The following EPHA7 variants were observed in gnomAD, a reference collection of about 807,000 sequenced individuals.
EPHA7 encodes the protein EPH receptor A7.
EPHA7 carries 25 observed loss-of-function variants against 112.6 expected under a neutral mutation model. That is an observed-to-expected ratio of 0.22 (90% confidence interval 0.16 to 0.31). The LOEUF (loss-of-function observed/expected upper bound fraction) is 0.31, where lower values mean the gene tolerates loss of function less well. EPHA7 is among the 10% of genes least tolerant of loss of function. The pLI is 1.00. For synonymous variants in EPHA7, 437 were observed against 406.5 expected (o/e 1.07, Z -0.90); for missense variants, 962 against 1,212.6 (o/e 0.79, Z 3.07).
At chr6:93,247,371 T>C (rs917985469) in intron 14 of EPHA7, among the ~76,000 whole-genome samples, 1 of 152,188 alleles carries the variant, frequency 6.6e-6, no homozygotes, top group Non-Finnish European at 1.5e-5. Flanking sequence ...TAAAAGGAAT[T>C]TGAGTTACCC....
At chr6:93,381,011 C>A (rs1562140816) in intron 3 of EPHA7, among the ~76,000 whole-genome samples, 4 of 152,248 alleles carry the variant, frequency 2.6e-5, no homozygotes, top group South Asian at 4.1e-4. Flanking sequence ...TCACTTGTTT[C>A]AGCTGCCATT....
intron 15 of EPHA7, 56 bp from the exon 16 acceptor site, chr6:93,245,509 T>A (rs1769906092): frequency 1.3e-6 from 2 of 1,557,648 alleles, no homozygotes; most frequent in Non-Finnish European, 1.7e-6. Context: ...AAAGAAAGAA[T>A]GTTTTGGCCC....
At chr6:93,342,131 C>G (rs1775168838) in intron 5 of EPHA7, among the ~76,000 whole-genome samples, 1 of 151,770 alleles carries the variant, frequency 6.6e-6, no homozygotes, top group Non-Finnish European at 1.5e-5. Context: ...AGTGCACCTT[C>G]CATGAAAATT....
At chr6:93,360,195 G>GTTTCTA (rs1776189381) in intron 3 of EPHA7, among the ~76,000 whole-genome samples, 1 of 151,886 alleles carries the variant, frequency 6.6e-6, no homozygotes, top group East Asian at 1.9e-4. Context: ...CTAAATATAT[G>GTTTCTA]ATCTTGTCAC....
chr6:93,402,029 T>C (rs1778458545), intron 3 of EPHA7, among the ~76,000 whole-genome samples: 1 of 151,968 alleles, frequency 6.6e-6, no homozygotes, highest in Admixed American at 6.6e-5. Context: ...CAGAAACCGA[T>C]GCCAATTTAA....
intron 3 of EPHA7, among the ~76,000 whole-genome samples, chr6:93,360,005 A>G (rs927393296): frequency 2.0e-5 from 3 of 152,112 alleles, no homozygotes; most frequent in African/African-American, 4.8e-5. Context: ...CCAGTTGGCT[A>G]TGTTGTCTTT....
At chr6:93,272,203 A>G (rs1582424755) in intron 6 of EPHA7, 95 bp downstream of exon 6, 2 of 1,424,796 alleles carry the variant, frequency 1.4e-6, no homozygotes, top group East Asian at 2.3e-5. Context: ...AGTAGCTCCA[A>G]ATTGTTGGCA....
At chr6:93,389,451 T>C (rs1156543806) in intron 3 of EPHA7, among the ~76,000 whole-genome samples, 1 of 152,046 alleles carries the variant, frequency 6.6e-6, no homozygotes, top group East Asian at 1.9e-4. Flanking sequence ...CCTCTGTCTA[T>C]TCGTCTGGAA....
In EPHA7 at chr6:93,356,943, T is replaced by A. The variant is rs763391728; in HGVS notation, c.1098A>T (p.Arg366Ser). The A allele has an allele frequency of 5.0e-6, 8 of 1,614,162 alleles. No individual in the cohort carries two copies. Among genetic ancestry groups the A allele is most frequent in the Non-Finnish European group, 1.7e-6 (2 of 1,180,030 alleles). ...CCCAACTGCACCGCTTACACAATATTCTGTAGGTCACATCGTTTCTTCCCC... is the reference window on the plus strand; with the variant it reads ...CCCAACTGCACCGCTTACACAATATACTGTAGGTCACATCGTTTCTTCCCC... Reference protein sequence around the residue: ...DNGGRNDVTYRILCKRCSWEQ... With the variant: ...DNGGRNDVTYSILCKRCSWEQ... Residue 366 changes from arginine (R) to serine (S), a missense_variant, in exon 5 of 17, where the codon AGA becomes AGT. Arg to Ser is a moderately radical substitution (Grantham distance 110, BLOSUM62 -1). Coordinates refer to ENST00000369303, the MANE Select transcript of EPHA7 (RefSeq NM_004440.4).
chr6:93,347,789 A>G (rs1775474785), intron 5 of EPHA7, among the ~76,000 whole-genome samples: 1 of 151,800 alleles, frequency 6.6e-6, no homozygotes, highest in Admixed American at 6.6e-5. Flanking sequence ...AGGAAAGTAT[A>G]CAGTTACATT....
intron 14 of EPHA7, among the ~76,000 whole-genome samples, chr6:93,250,273 T>A (rs1414233534): frequency 6.6e-6 from 1 of 152,146 alleles, no homozygotes; most frequent in African/African-American, 2.4e-5. Flanking sequence ...AGGCAAAAAC[T>A]GAACTTTGAG....
At chr6:93,307,020 C>T (rs1773294679) in intron 5 of EPHA7, among the ~76,000 whole-genome samples, 1 of 151,778 alleles carries the variant, frequency 6.6e-6, no homozygotes. Context: ...TAATATAATA[C>T]TATTGCATAA....
intron 3 of EPHA7, among the ~76,000 whole-genome samples, chr6:93,395,354 T>C (rs1195709104): frequency 2.0e-5 from 3 of 151,816 alleles, no homozygotes; most frequent in South Asian, 2.1e-4. Context: ...CTTTTATTAG[T>C]AGAAACTGAA....
intron 3 of EPHA7, among the ~76,000 whole-genome samples, chr6:93,360,964 T>A (rs1776232592): frequency 6.6e-6 from 1 of 152,080 alleles, no homozygotes; most frequent in African/African-American, 2.4e-5. Flanking sequence ...AAACTTAATT[T>A]TCAATGGATC....
chr6:93,252,516 C>G (rs1582392507), intron 14 of EPHA7, among the ~76,000 whole-genome samples: 1 of 151,900 alleles, frequency 6.6e-6, no homozygotes, highest in Non-Finnish European at 1.5e-5. Flanking sequence ...CTAAGTCTCT[C>G]CATGAACTCC....
chr6:93,341,340 A>C (rs998237347), intron 5 of EPHA7, among the ~76,000 whole-genome samples: 2 of 151,932 alleles, frequency 1.3e-5, no homozygotes, highest in Middle Eastern at 3.4e-3. Flanking sequence ...CAAGATCATA[A>C]AATAAGACTA....
At position 93,243,313 on chromosome 6, in the gene EPHA7, T is replaced by C. The variant is rs1769764328; in HGVS notation, c.*113A>G. On this transcript the variant is annotated 3_prime_UTR_variant, in exon 17 of 17. Transcript: ENST00000369303. ...GGTGCTTCTTAAATCTTCTCTTCAC[T>C]GTTGGAAGGACCCAGGACATCACTT... is the stretch of plus-strand genomic sequence containing the variant. 1 of 691,070 alleles carries C rather than the reference T, an allele frequency of 1.4e-6. No individual in the cohort carries two copies. The highest frequency in any genetic ancestry group is 2.7e-5 in the East Asian group (1 of 36,602). The allele number at this position is 691,070 out of a possible 1,614,324, so 42.8% of individuals were successfully genotyped here.
chr6:93,285,031 A>G (rs903014127), intron 5 of EPHA7, among the ~76,000 whole-genome samples: 1 of 152,186 alleles, frequency 6.6e-6, no homozygotes, highest in African/African-American at 2.4e-5. Context: ...TATCATTTCA[A>G]TTGCTCCAGG....
rs373448462 is a variant in EPHA7 at position 93,357,104 on chromosome 6, A to C, written c.989-52T>G. The stretch of plus-strand genomic sequence containing the variant: ...AATAAGCAAAAATAGAAAAAAAAAC[A>C]TACAAACAAAAAGAACAAAAGGATC... On this transcript the variant is annotated intron_variant, in intron 4 of 16. Transcript: ENST00000369303. 3.1e-5 allele frequency: 42 copies of C among 1,373,348 alleles called. No homozygotes were observed. The East Asian group carries it at 7.2e-4, about 23-fold the overall frequency. The allele number at this position is 1,373,348 out of a possible 1,614,324, so 85.1% of individuals were successfully genotyped here. A position where few individuals can be genotyped will look rare whatever the true frequency, so the allele number is the denominator to read the frequency against.
Sources: allele counts gnomAD v4.1 joint callset (sites outside exome capture counted in the v4.1 genomes callset), GRCh38; gene constraint gnomAD v4.1.1; transcripts MANE v1.5; gene names NCBI Gene and HGNC (gene_info 2026-07-23, HGNC 2026-07-21).